Variants in ACIN1 observed in about 807,000 individuals in gnomAD.
ACIN1 encodes apoptotic chromatin condensation inducer 1.
In ACIN1, 16 loss-of-function variants were observed where a neutral mutation model predicts 146.6. The observed-to-expected ratio is 0.11, with a 90% CI of 0.07 to 0.17. ACIN1 has a LOEUF of 0.17. Ranked by LOEUF, ACIN1 falls within the 10% of genes least tolerant of loss-of-function variation. The probability of loss-of-function intolerance (pLI) is 1.00; values close to 1 mark genes in which losing one functional copy is unlikely to be tolerated. For synonymous variants in ACIN1, 569 were observed against 582.7 expected, an observed-to-expected ratio of 0.98 and a Z score of 0.34; for missense variants, 1,357 against 1,609.3, an observed-to-expected ratio of 0.84 and a Z score of 2.68.
rs374166846 is a variant in ACIN1, at chr14:23,061,354, C to T, written c.3368G>A (p.Arg1123His). 12 of 1,614,034 alleles carry T rather than the reference C, an allele frequency of 7.4e-6. No homozygotes were observed. The highest frequency in any genetic ancestry group is 6.7e-5 in the African/African-American group (5 of 74,900). The change falls in exon 17 of 19, where the codon CGT becomes CAT. Residue 1123 changes from arginine to histidine, a missense_variant. This residue lies in a region of ACIN1 where 509 missense variants were observed against 719.6 expected (regional missense o/e 0.71). Coordinates refer to ENST00000605057, the MANE Select transcript of ACIN1 (RefSeq NM_001386863.1). ...REGPRSRSRS[R>H]DRRRKERAKS... ...CGCACGTTCCTTGCGGCGGCGGTCA[C>T]GGGACCTTGATCGGGAACGGGGCCC...
chr14:23,063,640 C>T lies in ACIN1; in HGVS notation c.2596-63G>A, dbSNP rs114214282. On this transcript the variant is annotated intron_variant, in intron 12 of 18. Transcript: ENST00000605057. ...CACCAAACTGGCATATTCTTTTCAG[C>T]CTCTGGTTCCCCGGTAAGAGTAGCA... 1.8e-3 allele frequency: 2,884 copies of T among 1,594,114 alleles called. 60 individuals carry two copies. In the African/African-American group the frequency reaches 0.033, roughly 18 times the overall value.
chr14:23,072,126 C>T (rs879937765), intron 8 of ACIN1, among the ~76,000 whole-genome samples: 8 of 152,150 alleles, frequency 5.3e-5, no homozygotes, highest in African/African-American at 7.2e-5. Context: ...CTGCTCACCC[C>T]GGCAATGACC....
intron 4 of ACIN1, among the ~76,000 whole-genome samples, chr14:23,082,985 C>G (rs910952300): frequency 6.6e-6 from 1 of 151,880 alleles, no homozygotes; most frequent in Non-Finnish European, 1.5e-5. Flanking sequence ...GCAATCCCCC[C>G]GCCTTGGCCT....
At chr14:23,091,567 G>GAA (rs779774943) in intron 2 of ACIN1, among the ~76,000 whole-genome samples, 1 of 88,680 alleles carries the variant, frequency 1.1e-5, no homozygotes, top group Non-Finnish European at 2.4e-5. Context: ...TCCATCTCAA[G>GAA]AAAAAAAAAA....
intron 8 of ACIN1, among the ~76,000 whole-genome samples, chr14:23,075,921 G>A (rs1282629615): frequency 1.3e-5 from 2 of 152,056 alleles, no homozygotes; most frequent in Non-Finnish European, 2.9e-5. Flanking sequence ...GGCTGGTCTC[G>A]AATTCCTGAC....
intron 7 of ACIN1, 131 bp from the exon 8 acceptor site, chr14:23,078,397 C>CT (rs1188097066): frequency 4.3e-5 from 27 of 622,214 alleles, no homozygotes; most frequent in African/African-American, 4.3e-4. Context: ...CCCTCTGTAT[C>CT]TGTTATTTCA....
At position 23,095,062 on chromosome 14, in the gene ACIN1, C is replaced by G. The variant is rs773526268; in HGVS notation, c.51G>C (p.Leu17=). ...VTLDGKPLQA[L]RVTDLKAALE... ...GTGCGGCCTTCAGGTCGGTCACCCG[C>G]AGCGCCTGAAGAGGCTTCCCGTCCA... is the stretch of plus-strand genomic sequence containing the variant. The change falls in exon 1 of 19, where the codon CTG becomes CTC. Residue 17 remains leucine (L), a synonymous_variant. Coordinates refer to ENST00000605057, the MANE Select transcript of ACIN1 (RefSeq NM_001386863.1). 1 of 1,614,052 alleles carries G rather than the reference C, an allele frequency of 6.2e-7. No individual in the cohort carries two copies. The highest frequency in any genetic ancestry group is 2.2e-5 in the East Asian group (1 of 44,882).
chr14:23,080,885 A>C, intron 5 of ACIN1, 76 bp from the exon 6 acceptor site: 1 of 1,520,172 alleles, frequency 6.6e-7, no homozygotes. Flanking sequence ...TCTAATGAAG[A>C]CACCCCTAGG....
chr14:23,085,005 A>G (rs2048051065), intron 4 of ACIN1, among the ~76,000 whole-genome samples: 1 of 151,996 alleles, frequency 6.6e-6, no homozygotes. Flanking sequence ...TATCTCACAC[A>G]CACCAAAAAA....
chr14:23,081,931 G>T, intron 4 of ACIN1, 95 bp from the exon 5 acceptor site: 1 of 904,608 alleles, frequency 1.1e-6, no homozygotes, highest in Non-Finnish European at 1.7e-6. Context: ...ACCAATTATA[G>T]CATATGAGCC....
rs777451840 is a variant in ACIN1, at chr14:23,080,742, G to T, written c.593C>A (p.Ser198Tyr). ...AEEEEDQETP[S>Y]RNLRVRADRN... The stretch of plus-strand genomic sequence containing the variant: ...ATCTGCTCTGACCCTTAGGTTTCTG[G>T]AAGGTGTTTCTTGATCCTCTTCCTC... The change falls in exon 6 of 19, where the codon TCC (serine) becomes TAC (tyrosine). Residue 198 changes from serine to tyrosine, a missense_variant. Ser to Tyr is a moderately radical substitution (Grantham distance 144). Coordinates refer to ENST00000605057, the MANE Select transcript of ACIN1 (RefSeq NM_001386863.1). The T allele has an allele frequency of 3.1e-6, 5 of 1,613,670 alleles. No homozygotes were observed. The highest frequency in any genetic ancestry group is 4.2e-6 in the Non-Finnish European group (5 of 1,179,844).
Position 23,059,006 on chromosome 14 carries a change from A to G in ACIN1, c.*142T>C. On this transcript the variant is annotated 3_prime_UTR_variant, in exon 19 of 19. Transcript: ENST00000605057. ...TGTGTTTGGGGGGAAAAGGATGGCC[A>G]CTTTTCCATTTGGTATGTATGTAGG... The G allele has an allele frequency of 1.3e-6, 1 of 762,986 alleles. No homozygotes were observed. Among genetic ancestry groups the G allele is most frequent in the Non-Finnish European group, 2.1e-6 (1 of 472,706 alleles). 47.3% of individuals were successfully genotyped at this position (762,986 alleles called of 1,614,324 possible). A position where few individuals can be genotyped will look rare whatever the true frequency, so the allele number is the denominator to read the frequency against.
Position 23,068,085 on chromosome 14 carries a change from C to G in ACIN1, c.2265+1391G>C. On this transcript the variant is annotated intron_variant, in intron 9 of 18. Transcript: ENST00000605057. This position sits in a 1 kb window ranked among gnomAD's most constrained non-coding sequence, Gnocchi z 4.3. ...GGACAACAGGGACCAAAGGAAAGTC[C>G]ATCTGATGAGCAAGTGGTGACACAT... 1 of 985,888 alleles carries G rather than the reference C, an allele frequency of 1.0e-6. No individual in the cohort carries two copies. The highest frequency in any genetic ancestry group is 1.7e-5 in the African/African-American group (1 of 57,338). The allele number at this position is 985,888 out of a possible 1,614,324, so 61.1% of individuals were successfully genotyped here.
chr14:23,063,903 G>A (rs922122590), intron 12 of ACIN1, among the ~76,000 whole-genome samples: 4 of 152,222 alleles, frequency 2.6e-5, no homozygotes, highest in South Asian at 2.1e-4. Flanking sequence ...GAATGAACTC[G>A]TGTGGTTGTG....
chr14:23,059,967 T>C (rs1192694978), intron 18 of ACIN1, among the ~76,000 whole-genome samples: 2 of 141,660 alleles, frequency 1.4e-5, no homozygotes, highest in African/African-American at 5.3e-5. Flanking sequence ...TTTTTTTTTT[T>C]TTTTTTTTTT....
chr14:23,085,211 T>G (rs1229106966), intron 4 of ACIN1, among the ~76,000 whole-genome samples: 2 of 151,724 alleles, frequency 1.3e-5, no homozygotes, highest in African/African-American at 4.8e-5. Flanking sequence ...GGCGGGTGCC[T>G]GCAGTCCCAG....
intron 9 of ACIN1, among the ~76,000 whole-genome samples, chr14:23,066,757 G>A (rs1483338430): frequency 6.6e-6 from 1 of 152,226 alleles, no homozygotes; most frequent in African/African-American, 2.4e-5. Flanking sequence ...AGCTCCAGCA[G>A]AGTCTTACTG....
chr14:23,088,482 T>C (rs1012119512), intron 4 of ACIN1, among the ~76,000 whole-genome samples: 1 of 152,194 alleles, frequency 6.6e-6, no homozygotes, highest in Non-Finnish European at 1.5e-5. Flanking sequence ...AAAATTTCTT[T>C]CCCACCATTA....
chr14:23,059,991 T>G (rs1304983156), intron 18 of ACIN1, among the ~76,000 whole-genome samples: 1 of 119,010 alleles, frequency 8.4e-6, no homozygotes, highest in Non-Finnish European at 1.7e-5. Context: ...ACAGTCTCAC[T>G]CTGTCGCCCA....
Sources: gnomAD v4.1 joint callset for allele counts (sites outside exome capture counted in the v4.1 genomes callset) on GRCh38, gnomAD v4.1.1 for gene constraint, gnomAD v4.1.1 regional missense constraint, Gnocchi (gnomAD v3.1) non-coding constraint, MANE v1.5 for transcripts, NCBI Gene and HGNC (gene_info 2026-07-23, HGNC 2026-07-21) for gene names.